The following CHL1 variants were observed in gnomAD, a reference collection of about 807,000 sequenced individuals.
CHL1 encodes cell adhesion molecule L1 like.
A neutral mutation model predicts 141.9 loss-of-function variants in CHL1; 96 were observed. The observed-to-expected ratio is 0.68, with a 90% CI of 0.57 to 0.80. The LOEUF is 0.80. Among genes scored for constraint, CHL1 ranks in the 30% least tolerant of loss-of-function variants. The pLI, the probability that CHL1 is intolerant of heterozygous loss-of-function variation, is 0.00. For synonymous variants in CHL1, 613 were observed against 502.2 expected (o/e 1.22, Z -2.95); for missense variants, 1,820 against 1,457.2 (o/e 1.25, Z -4.05).
rs190453586 is a variant in CHL1 at position 218,420 on chromosome 3, T to C, written c.-175+21357T>C. Among the ~76,000 whole-genome samples, 757 of 152,366 alleles carry C rather than the reference T, an allele frequency of 5.0e-3. 8 individuals carry two copies. The highest frequency in any genetic ancestry group is 7.2e-3 in the Non-Finnish European group (493 of 68,040). Reference sequence around the variant, plus strand: ...GGAGTTTGGATATCTTTTTCCTTAATATACTTTTGTGTATCATATTTAAGT... The same window carrying C: ...GGAGTTTGGATATCTTTTTCCTTAACATACTTTTGTGTATCATATTTAAGT... On this transcript the variant is annotated intron_variant, in intron 1 of 27. Coordinates refer to ENST00000256509, the MANE Select transcript of CHL1 (RefSeq NM_006614.4).
intron 26 of CHL1, among the ~76,000 whole-genome samples, chr3:400,279 T>G (rs1052555877): frequency 2.1e-4 from 32 of 152,324 alleles, no homozygotes; most frequent in African/African-American, 7.0e-4. Flanking sequence ...ACATGCATAA[T>G]TTATGGAGTT....
At chr3:402,531 T>C (rs1709225959) in intron 27 of CHL1, among the ~76,000 whole-genome samples, 1 of 152,230 alleles carries the variant, frequency 6.6e-6, no homozygotes, top group African/African-American at 2.4e-5. Context: ...GTTCCAGGTT[T>C]GTATTGATTT....
At chr3:297,025 G>C (rs1351860772) in intron 2 of CHL1, among the ~76,000 whole-genome samples, 1 of 152,050 alleles carries the variant, frequency 6.6e-6, no homozygotes, top group Non-Finnish European at 1.5e-5. Context: ...ACAAAGGAAA[G>C]GGATTAGAAC....
chr3:398,350 G>A lies in CHL1; in HGVS notation c.3218G>A (p.Ser1073Asn), dbSNP rs1275137394. 6.2e-7 allele frequency: 1 copy of A among 1,604,788 alleles called. No individual in the cohort carries two copies. Residue 1073 changes from serine (S) to asparagine (N), a missense_variant, in exon 25 of 28, where the codon AGC becomes AAC. By Grantham distance (46) the Ser-to-Asn change is conservative (BLOSUM62 1). Coordinates refer to ENST00000256509, the MANE Select transcript of CHL1 (RefSeq NM_006614.4). ...ACTAAGAATTGGGGCGATAATGATAGCATTTTTCAAGATGTAATTGAGACA... is the reference window on the plus strand; with the variant it reads ...ACTAAGAATTGGGGCGATAATGATAACATTTTTCAAGATGTAATTGAGACA... ...LMTKNWGDND[S>N]IFQDVIETRG...
rs1474843779 is a variant in CHL1 at position 391,070 on chromosome 3, T to C, written c.2702T>C (p.Phe901Ser). Residue 901 changes from phenylalanine (F) to serine (S), a missense_variant, in exon 22 of 28, where the codon TTT (phenylalanine) becomes TCT (serine). By Grantham distance (155) the Phe-to-Ser change is radical. Transcript: ENST00000256509. ...GGAATGGTTCCTTCCTTAGATGCCT[T>C]TAGTGAATTTCATTTAACAGTCTTA... The part of the protein sequence containing the change: ...NSGMVPSLDA[F>S]SEFHLTVLAY... 6.8e-6 allele frequency: 11 copies of C among 1,613,752 alleles called. No homozygotes were observed. The highest frequency in any genetic ancestry group is 5.0e-5 in the Admixed American group (3 of 60,006).
intron 15 of CHL1, among the ~76,000 whole-genome samples, chr3:369,934 C>A (rs1407973784): frequency 6.6e-6 from 1 of 152,162 alleles, no homozygotes; most frequent in African/African-American, 2.4e-5. Flanking sequence ...AGCCTTGAAT[C>A]CCAGAGATGA....
chr3:335,803 AGTT>A (rs1175198465), intron 5 of CHL1, among the ~76,000 whole-genome samples: 1 of 152,170 alleles, frequency 6.6e-6, no homozygotes, highest in Non-Finnish European at 1.5e-5. Context: ...AAGTCACAGA[AGTT>A]GTTGAGATGC....
At chr3:281,877 T>C (rs562298185) in intron 2 of CHL1, among the ~76,000 whole-genome samples, 3 of 152,280 alleles carry the variant, frequency 2.0e-5, no homozygotes, top group Admixed American at 2.0e-4. Context: ...TTTTCCTATA[T>C]TTTTGCTTTT....
chr3:257,224 A>AT (rs1222241798), intron 2 of CHL1, among the ~76,000 whole-genome samples: 66 of 152,296 alleles, frequency 4.3e-4, no homozygotes, highest in African/African-American at 1.5e-3. Flanking sequence ...TACATAAAGC[A>AT]TTTAAAAAAA....
At chr3:207,006 G>A (rs941266933) in intron 1 of CHL1, among the ~76,000 whole-genome samples, 3 of 152,118 alleles carry the variant, frequency 2.0e-5, no homozygotes, top group South Asian at 2.1e-4. Context: ...TCTTGAAAAC[G>A]GCTTGAAAAT....
intron 1 of CHL1, among the ~76,000 whole-genome samples, chr3:209,462 A>G (rs752027004): frequency 2.0e-5 from 3 of 152,254 alleles, no homozygotes; most frequent in Non-Finnish European, 2.9e-5. Context: ...TACCACCTAT[A>G]GGAGTTCAGA....
chr3:270,405 G>A (rs1038431509), intron 2 of CHL1, among the ~76,000 whole-genome samples: 19 of 152,254 alleles, frequency 1.2e-4, no homozygotes, highest in African/African-American at 4.6e-4. Context: ...ACCAATCATA[G>A]GTAGCGAGGT....
At chr3:234,127 G>A (rs774338795) in intron 1 of CHL1, among the ~76,000 whole-genome samples, 22 of 151,554 alleles carry the variant, frequency 1.5e-4, no homozygotes, top group Non-Finnish European at 2.8e-4. Context: ...ATCAATTGAG[G>A]AAGGAAATAC....
chr3:262,537 G>C (rs964713088), intron 2 of CHL1, among the ~76,000 whole-genome samples: 78 of 147,404 alleles, frequency 5.3e-4, no homozygotes, highest in African/African-American at 1.9e-3. Flanking sequence ...TACTTACAGG[G>C]CAGGATTCAC....
At chr3:250,564 C>T (rs331887) in intron 2 of CHL1, among the ~76,000 whole-genome samples, 2 of 151,950 alleles carry the variant, frequency 1.3e-5, no homozygotes, top group East Asian at 1.9e-4. Flanking sequence ...GCAGTGGGAA[C>T]GGGGAAGACC....
At chr3:206,904 G>A (rs1385478265) in intron 1 of CHL1, among the ~76,000 whole-genome samples, 2 of 152,354 alleles carry the variant, frequency 1.3e-5, no homozygotes, top group East Asian at 3.9e-4. Context: ...GCATTTCGCG[G>A]TTGGCATTTC....
intron 1 of CHL1, among the ~76,000 whole-genome samples, chr3:216,315 C>T (rs1396379309): frequency 6.6e-6 from 1 of 152,148 alleles, no homozygotes; most frequent in East Asian, 1.9e-4. Flanking sequence ...TTATAGTTTT[C>T]TCTTTCCTTT....
At chr3:284,113 G>A (rs964475098) in intron 2 of CHL1, among the ~76,000 whole-genome samples, 1 of 151,990 alleles carries the variant, frequency 6.6e-6, no homozygotes, top group Non-Finnish European at 1.5e-5. Flanking sequence ...TGCCCTGATG[G>A]GGCTTACAGA....
At chr3:342,652 T>C (rs1468041612) in intron 7 of CHL1, among the ~76,000 whole-genome samples, 1 of 152,188 alleles carries the variant, frequency 6.6e-6, no homozygotes, top group African/African-American at 2.4e-5. Flanking sequence ...AGTTGAAAGT[T>C]GGCATTACCA....
Sources: gnomAD v4.1 joint callset for allele counts (sites outside exome capture counted in the v4.1 genomes callset) on GRCh38, gnomAD v4.1.1 for gene constraint, MANE v1.5 for transcripts, NCBI Gene and HGNC (gene_info 2026-07-23, HGNC 2026-07-21) for gene names.